EYS: variants seen among roughly 807,000 people sequenced by gnomAD.
EYS encodes the protein protein eyes shut homolog.
EYS carries 250 observed loss-of-function variants against 282.1 expected under a neutral mutation model. That is an observed-to-expected ratio of 0.89 (90% CI 0.80 to 0.98). The LOEUF (loss-of-function observed/expected upper bound fraction) is 0.98. Among genes scored for constraint, EYS ranks in the 50% least tolerant of loss-of-function variants. EYS has a pLI of 0.00. For missense variants in EYS, 4,016 were observed against 3,709.0 expected (o/e 1.08, Z -2.15); for synonymous variants, 1,355 against 1,282.9 (o/e 1.06, Z -1.20).
intron 26 of EYS, among the ~76,000 whole-genome samples, chr6:64,552,489 G>GCCTGCTA (rs933981544): frequency 6.6e-6 from 1 of 152,120 alleles, no homozygotes; most frequent in Non-Finnish European, 1.5e-5. Flanking sequence ...TCTCTCCGAA[G>GCCTGCTA]CCTGCTACCT....
chr6:65,189,694 G>T (rs1300412025), intron 12 of EYS, among the ~76,000 whole-genome samples: 1 of 151,686 alleles, frequency 6.6e-6, no homozygotes, highest in Admixed American at 6.6e-5. Context: ...TTAGATCACA[G>T]TTGGTTAGTT....
At chr6:64,360,104 G>A (rs578164185) in intron 29 of EYS, among the ~76,000 whole-genome samples, 1 of 151,618 alleles carries the variant, frequency 6.6e-6, no homozygotes, top group East Asian at 2.0e-4. Flanking sequence ...CACTAAATAT[G>A]TGAACACATT....
intron 33 of EYS, among the ~76,000 whole-genome samples, chr6:64,000,168 CTTTTTTTTTTT>C (rs71551553): frequency 0.034 from 1,448 of 42,744 alleles, 189 homozygotes; most frequent in Middle Eastern, 0.1. Flanking sequence ...AGACATGGGA[CTTTTTTTTTTT>C]TTTTTTTTTT....
At chr6:64,612,774 T>G (rs1291528948) in intron 24 of EYS, among the ~76,000 whole-genome samples, 1 of 152,158 alleles carries the variant, frequency 6.6e-6, no homozygotes, top group Non-Finnish European at 1.5e-5. Context: ...ATAACTGTAG[T>G]AATATTAATC....
intron 2 of EYS, among the ~76,000 whole-genome samples, chr6:65,581,084 T>G (rs1171406885): frequency 6.6e-6 from 1 of 152,042 alleles, no homozygotes; most frequent in Non-Finnish European, 1.5e-5. Flanking sequence ...TCTATTAACA[T>G]AATTAGAAAT....
At chr6:64,826,769 A>C (rs1054949118) in intron 19 of EYS, among the ~76,000 whole-genome samples, 2 of 147,656 alleles carry the variant, frequency 1.4e-5, no homozygotes, top group Non-Finnish European at 3.0e-5. Flanking sequence ...TTCCCTTTTT[A>C]CCCAACTTCT....
chr6:64,970,217 C>T lies in EYS; in HGVS notation c.2260-24303G>A, dbSNP rs116539622. Among the ~76,000 whole-genome samples the T allele has an allele frequency of 9.6e-3, 1,459 of 151,832 alleles. 9 individuals are homozygous for T. Among genetic ancestry groups the T allele is most frequent in the Non-Finnish European group, 0.014 (925 of 67,960 alleles). The stretch of plus-strand genomic sequence containing the variant: ...AAAGTGTATGTAGATACTAGTTTAT[C>T]GTATTATTCACTACCATAAAATATA... On this transcript the variant is annotated intron_variant, in intron 14 of 42. Transcript: ENST00000503581.
At chr6:63,824,090 T>C (rs1024439111) in intron 36 of EYS, among the ~76,000 whole-genome samples, 2 of 152,228 alleles carry the variant, frequency 1.3e-5, no homozygotes, top group East Asian at 1.9e-4. Context: ...TAAAGGAAGA[T>C]AGCATCCCAC....
intron 19 of EYS, among the ~76,000 whole-genome samples, chr6:64,869,814 A>G (rs1766535560): frequency 6.6e-6 from 1 of 151,648 alleles, no homozygotes; most frequent in African/African-American, 2.4e-5. Context: ...ATGAGAGGGC[A>G]TTCAATTATT....
At chr6:65,272,422 A>T (rs1767930577) in intron 12 of EYS, among the ~76,000 whole-genome samples, 1 of 152,144 alleles carries the variant, frequency 6.6e-6, no homozygotes, top group Non-Finnish European at 1.5e-5. Flanking sequence ...CTAAGAGTTA[A>T]CAGCTCACTA....
chr6:64,523,688 A>G (rs1777828316), intron 26 of EYS, among the ~76,000 whole-genome samples: 1 of 151,714 alleles, frequency 6.6e-6, no homozygotes, highest in South Asian at 2.1e-4. Flanking sequence ...TAATAAAGAA[A>G]GAAAGGACTC....
At chr6:64,544,426 G>T (rs1226632568) in intron 26 of EYS, among the ~76,000 whole-genome samples, 1 of 152,094 alleles carries the variant, frequency 6.6e-6, no homozygotes, top group Admixed American at 6.6e-5. Context: ...ATTAGGAACT[G>T]CAGGAAACCA....
chr6:63,970,271 T>TCACAA (rs1237849165), intron 35 of EYS, among the ~76,000 whole-genome samples: 11 of 152,192 alleles, frequency 7.2e-5, no homozygotes, highest in African/African-American at 2.7e-4. Flanking sequence ...AAGGCCCTTG[T>TCACAA]GAGCAAGGCG....
chr6:65,240,338 T>G (rs1446563354), intron 12 of EYS, among the ~76,000 whole-genome samples: 1 of 152,054 alleles, frequency 6.6e-6, no homozygotes, highest in South Asian at 2.1e-4. Context: ...ATGGGCATAT[T>G]GCTTGATGGT....
intron 26 of EYS, among the ~76,000 whole-genome samples, chr6:64,455,171 C>T (rs1216989215): frequency 6.6e-6 from 1 of 152,070 alleles, no homozygotes; most frequent in Non-Finnish European, 1.5e-5. Context: ...CTCTGCCTCA[C>T]AAAGTGTTAC....
At position 63,721,349 on chromosome 6, in the gene EYS, G is replaced by A. The variant is rs1374275670; in HGVS notation, c.8682C>T (p.Gly2894=). 6.4e-7 allele frequency: 1 copy of A among 1,551,844 alleles called. No individual in the cohort carries two copies. Among genetic ancestry groups the A allele is most frequent in the South Asian group, 1.2e-5 (1 of 84,064 alleles). Residue 2894 remains glycine, a synonymous_variant, in exon 43 of 43, where the codon GGC becomes GGT. Transcript: ENST00000503581. ...GCAAACATCTGCAAGAAAAAGTTGT[G>A]CCATTTACTGTACATTCACCTCCAT... is the stretch of plus-strand genomic sequence containing the variant. The part of the protein sequence containing the change: ...CRNGGECTVN[G]TTFSCRCLPD...
At chr6:64,706,269 C>T (rs1025805051) in intron 22 of EYS, among the ~76,000 whole-genome samples, 2 of 152,004 alleles carry the variant, frequency 1.3e-5, no homozygotes, top group African/African-American at 4.8e-5. Flanking sequence ...GCAAGCCACA[C>T]GTAGATGCGT....
chr6:64,118,511 A>C (rs141548396), intron 31 of EYS, among the ~76,000 whole-genome samples: 1 of 152,080 alleles, frequency 6.6e-6, no homozygotes, highest in Non-Finnish European at 1.5e-5. Flanking sequence ...CTAGATCCCT[A>C]TCTCTCACCA....
At chr6:65,435,515 A>G (rs1768041993) in intron 5 of EYS, among the ~76,000 whole-genome samples, 1 of 152,138 alleles carries the variant, frequency 6.6e-6, no homozygotes, top group Non-Finnish European at 1.5e-5. Flanking sequence ...TGGAATTACT[A>G]AGTAAAAAGA....
Sources: allele counts gnomAD v4.1 joint callset (sites outside exome capture counted in the v4.1 genomes callset), GRCh38; gene constraint gnomAD v4.1.1; transcripts MANE v1.5; gene names NCBI Gene and HGNC (gene_info 2026-07-23, HGNC 2026-07-21).